Variants in ATP8B1 observed in about 807,000 individuals in gnomAD.
The protein encoded by ATP8B1 is phospholipid-transporting ATPase IC.
A neutral mutation model predicts 149.9 loss-of-function variants in ATP8B1; 80 were observed. The observed-to-expected ratio is 0.53, with a 90% CI of 0.45 to 0.64. ATP8B1 has a LOEUF of 0.64. Ranked by LOEUF, ATP8B1 falls within the 30% of genes least tolerant of loss-of-function variation. The pLI is 0.00. For synonymous variants in ATP8B1, 536 were observed against 562.8 expected, an observed-to-expected ratio of 0.95 and a Z score of 0.67; for missense variants, 1,247 against 1,552.6, an observed-to-expected ratio of 0.80 and a Z score of 3.31.
intron 1 of ATP8B1, among the ~76,000 whole-genome samples, chr18:57,783,318 A>G (rs1403469821): frequency 6.6e-6 from 1 of 152,196 alleles, no homozygotes; most frequent in African/African-American, 2.4e-5. Flanking sequence ...TTTATGTTTA[A>G]CAAAAGTTCT....
chr18:57,776,914 C>T (rs1028086879), intron 1 of ATP8B1, among the ~76,000 whole-genome samples: 4 of 151,766 alleles, frequency 2.6e-5, no homozygotes, highest in African/African-American at 7.3e-5. Context: ...CAGATGGCTT[C>T]TCTAAGTCCT....
At position 57,712,725 on chromosome 18, in the gene ATP8B1, A is replaced by C. The variant is rs1023994031; in HGVS notation, c.182-6138T>G. ...CCTCCCCGCCAACCTCACTGCTCCA[A>C]AAGAGACCTCTTCCTTCTGCTTGAG... On this transcript the variant is annotated intron_variant, in intron 2 of 27. Coordinates refer to ENST00000648908, the MANE Select transcript of ATP8B1 (RefSeq NM_001374385.1). Among the ~76,000 whole-genome samples the C allele has an allele frequency of 4.0e-5, 6 of 151,732 alleles. No individual in the cohort carries two copies. The East Asian group carries it at 9.8e-4, about 25-fold the overall frequency.
chr18:57,683,941 G>T, intron 15 of ATP8B1, 95 bp downstream of exon 15: 1 of 1,449,720 alleles, frequency 6.9e-7, no homozygotes, highest in Non-Finnish European at 9.7e-7. Flanking sequence ...AGACAGATTT[G>T]TGTACTACTT....
intron 22 of ATP8B1, among the ~76,000 whole-genome samples, chr18:57,657,860 G>A (rs543596389): frequency 6.6e-6 from 1 of 152,326 alleles, no homozygotes; most frequent in South Asian, 2.1e-4. Context: ...CACTGTCATA[G>A]TTCCCAGGGC....
At chr18:57,700,484 G>C (rs1913063399) in intron 6 of ATP8B1, among the ~76,000 whole-genome samples, 1 of 152,016 alleles carries the variant, frequency 6.6e-6, no homozygotes, top group Non-Finnish European at 1.5e-5. Context: ...CAATATTATA[G>C]TTTAAAACTT....
chr18:57,677,288 C>T (rs572131930), intron 15 of ATP8B1, among the ~76,000 whole-genome samples: 25 of 152,236 alleles, frequency 1.6e-4, no homozygotes, highest in African/African-American at 5.5e-4. Context: ...ACTTATGATA[C>T]GTACATATCT....
intron 24 of ATP8B1, among the ~76,000 whole-genome samples, chr18:57,653,275 T>C: frequency 6.8e-6 from 1 of 146,214 alleles, no homozygotes; most frequent in South Asian, 2.2e-4. Flanking sequence ...TTTTTTCCTT[T>C]TCTTTTCTTT....
chr18:57,740,204 T>G (rs1379947488), intron 1 of ATP8B1, among the ~76,000 whole-genome samples: 1 of 151,906 alleles, frequency 6.6e-6, no homozygotes, highest in African/African-American at 2.4e-5. Flanking sequence ...AATTATCCTG[T>G]CTCAGCCTCC....
At chr18:57,707,666 A>G (rs2122982365) in intron 2 of ATP8B1, among the ~76,000 whole-genome samples, 1 of 151,402 alleles carries the variant, frequency 6.6e-6, no homozygotes, top group East Asian at 2.0e-4. Context: ...CTGCCACCAC[A>G]CCCGGCTAAT....
intron 1 of ATP8B1, among the ~76,000 whole-genome samples, chr18:57,792,413 G>A (rs141620819): frequency 6.6e-6 from 1 of 152,022 alleles, no homozygotes; most frequent in African/African-American, 2.4e-5. Flanking sequence ...CTCCCAAAGC[G>A]CTGGGATTAC....
chr18:57,692,857 T>C (rs1306840640), intron 11 of ATP8B1, among the ~76,000 whole-genome samples: 1 of 152,206 alleles, frequency 6.6e-6, no homozygotes, highest in Non-Finnish European at 1.5e-5. Flanking sequence ...ATAAGTATTA[T>C]GTTGTAGAAG....
At chr18:57,782,372 C>T (rs1158428123) in intron 1 of ATP8B1, among the ~76,000 whole-genome samples, 1 of 152,192 alleles carries the variant, frequency 6.6e-6, no homozygotes, top group African/African-American at 2.4e-5. Context: ...AATCATTTTC[C>T]CCATAGGTTT....
At chr18:57,762,217 C>T (rs1160737496) in intron 1 of ATP8B1, among the ~76,000 whole-genome samples, 4 of 151,586 alleles carry the variant, frequency 2.6e-5, no homozygotes, top group African/African-American at 7.3e-5. Flanking sequence ...CGGCTCACTG[C>T]AACCCCCATT....
At chr18:57,678,307 G>A (rs77295078) in intron 15 of ATP8B1, among the ~76,000 whole-genome samples, 8,670 of 152,160 alleles carry the variant, frequency 0.057, 394 homozygotes, top group East Asian at 0.2. Context: ...TACTATTAGG[G>A]CAGGGCACGG....
chr18:57,684,206 A>T lies in ATP8B1; in HGVS notation c.1474-14T>A, dbSNP rs1361264881. 1 of 1,610,666 alleles carries T rather than the reference A, an allele frequency of 6.2e-7. No individual in the cohort carries two copies. Among genetic ancestry groups the T allele is most frequent in the Non-Finnish European group, 8.5e-7 (1 of 1,177,238 alleles). On this transcript the variant is annotated splice_polypyrimidine_tract_variant and intron_variant, in intron 14 of 27. Transcript: ENST00000648908. Reference sequence around the variant, plus strand: ...AAAATCAACTTGCTGAAAGAAATGGAGAAAAACAAAATATGATTTTATAAA... The same window carrying T: ...AAAATCAACTTGCTGAAAGAAATGGTGAAAAACAAAATATGATTTTATAAA...
chr18:57,689,041 A>G (rs1341254384), intron 12 of ATP8B1, among the ~76,000 whole-genome samples: 1 of 152,230 alleles, frequency 6.6e-6, no homozygotes, highest in African/African-American at 2.4e-5. Flanking sequence ...AGCTGATTTT[A>G]GACAAGTAAT....
intron 17 of ATP8B1, among the ~76,000 whole-genome samples, chr18:57,670,193 A>G (rs1727379270): frequency 6.6e-6 from 1 of 152,180 alleles, no homozygotes; most frequent in African/African-American, 2.4e-5. Flanking sequence ...TACAAGTCCA[A>G]TCACCTATGA....
intron 1 of ATP8B1, among the ~76,000 whole-genome samples, chr18:57,754,893 T>C (rs2080063100): frequency 2.6e-5 from 4 of 152,180 alleles, no homozygotes; most frequent in Admixed American, 2.6e-4. Context: ...CATTACTGCC[T>C]TTTTCAGATC....
intron 1 of ATP8B1, among the ~76,000 whole-genome samples, chr18:57,762,464 G>T (rs1287598615): frequency 6.6e-6 from 1 of 152,084 alleles, no homozygotes; most frequent in Non-Finnish European, 1.5e-5. Flanking sequence ...TGTAACTAAA[G>T]TCCCTAGTTT....
Sources: allele counts gnomAD v4.1 joint callset (sites outside exome capture counted in the v4.1 genomes callset), GRCh38; gene constraint gnomAD v4.1.1; transcripts MANE v1.5; gene names NCBI Gene and HGNC (gene_info 2026-07-23, HGNC 2026-07-21).